Variants in PLAC1 observed in about 807,000 individuals in gnomAD.
The protein encoded by PLAC1 is placenta-specific protein 1.
For missense variants in PLAC1, 136 were observed against 163.2 expected, an observed-to-expected ratio of 0.83 and a Z score of 0.91; for synonymous variants, 68 against 62.1, an observed-to-expected ratio of 1.09 and a Z score of -0.44.
chrX:134,703,564 T>C (rs2078590605), intron 2 of PLAC1, among the ~76,000 whole-genome samples: 1 of 110,354 alleles, frequency 9.1e-6, no homozygotes, highest in Non-Finnish European at 1.9e-5. Context: ...AGAAGAAAAC[T>C]GAACCTACAA....
intron 1 of PLAC1, among the ~76,000 whole-genome samples, chrX:134,622,359 C>T (rs980871998): frequency 9.0e-6 from 1 of 111,278 alleles, no homozygotes; most frequent in Non-Finnish European, 1.9e-5. Flanking sequence ...CCTCCTCCCC[C>T]CTCCACAGGA....
At chrX:134,612,542 G>C (rs963531206) in intron 1 of PLAC1, among the ~76,000 whole-genome samples, 1 of 111,265 alleles carries the variant, frequency 9.0e-6, no homozygotes, top group African/African-American at 3.3e-5. Context: ...AACATGTCAG[G>C]GTCTTAGTTT....
chrX:134,602,218 C>T (rs758416345), intron 1 of PLAC1, 96 bp from the exon 2 acceptor site: 6 of 112,220 alleles, frequency 5.3e-5, no homozygotes, highest in Admixed American at 1.9e-4. Context: ...ACGGTCAGAA[C>T]AGAAAGTACA....
intron 2 of PLAC1, among the ~76,000 whole-genome samples, chrX:134,727,083 T>C (rs998564772): frequency 1.8e-5 from 2 of 110,961 alleles, no homozygotes; most frequent in African/African-American, 6.6e-5. Flanking sequence ...GGCTTCCTCC[T>C]TTGCTCGGAG....
Position 134,566,670 on chromosome X carries a change from T to A in PLAC1, c.13A>T (p.Lys5Ter). 8.4e-7 allele frequency: 1 copy of A among 1,189,049 alleles called. No individual in the cohort carries two copies. The highest frequency in any genetic ancestry group is 1.1e-6 in the Non-Finnish European group (1 of 880,271). The change falls in exon 3 of 3, where the codon AAG (lysine) becomes TAG (stop). Residue 5 changes from lysine to a stop codon, truncating the protein, a stop_gained. Transcript: ENST00000359237. LOFTEE classifies it low-confidence loss of function (END_TRUNC). MKVF[K>*]FIGLMILLTS... ...AGGAGGATCATCAGTCCTATGAACT[T>A]AAAAACTTTCATCCCTGCAGCCAAT...
chrX:134,610,927 A>G (rs1251682228), intron 1 of PLAC1, among the ~76,000 whole-genome samples: 1 of 111,509 alleles, frequency 9.0e-6, no homozygotes, highest in Non-Finnish European at 1.9e-5. Context: ...TCCAAGGCTC[A>G]AGTGTTCCTC....
At chrX:134,670,142 G>T (rs1449794813) in intron 2 of PLAC1, among the ~76,000 whole-genome samples, 1 of 108,005 alleles carries the variant, frequency 9.3e-6, no homozygotes, top group Non-Finnish European at 1.9e-5. Flanking sequence ...CCAACAATCT[G>T]GCTCTTGCTA....
chrX:134,582,444 G>A (rs2077979351), intron 2 of PLAC1, among the ~76,000 whole-genome samples: 1 of 111,976 alleles, frequency 8.9e-6, no homozygotes, highest in African/African-American at 3.2e-5. Flanking sequence ...ACCTCGGGGA[G>A]TATTTTTTTA....
intron 2 of PLAC1, among the ~76,000 whole-genome samples, chrX:134,717,026 A>T (rs758152475): frequency 2.7e-5 from 3 of 111,713 alleles, no homozygotes; most frequent in East Asian, 5.6e-4. Context: ...TTGTATACCA[A>T]CTCCAAGCAA....
chrX:134,578,344 C>G (rs2077952310), intron 2 of PLAC1, among the ~76,000 whole-genome samples: 1 of 98,156 alleles, frequency 1.0e-5, no homozygotes, highest in East Asian at 3.1e-4. Flanking sequence ...ACCCGGGAGG[C>G]AGAACTTGCA....
At chrX:134,666,268 TCTGTC>T (rs1388751818) in intron 2 of PLAC1, among the ~76,000 whole-genome samples, 1 of 111,167 alleles carries the variant, frequency 9.0e-6, no homozygotes, top group East Asian at 2.8e-4. Flanking sequence ...ATGTTCCCTT[TCTGTC>T]CTGGGCAGTC....
intron 2 of PLAC1, among the ~76,000 whole-genome samples, chrX:134,731,954 G>A (rs968674934): frequency 2.7e-5 from 3 of 111,643 alleles, no homozygotes; most frequent in Middle Eastern, 4.2e-3. Flanking sequence ...CCAGGAGGTC[G>A]AGGCTGCAGT....
intron 2 of PLAC1, among the ~76,000 whole-genome samples, chrX:134,576,803 C>G (rs1405144981): frequency 9.0e-6 from 1 of 111,082 alleles, no homozygotes; most frequent in Non-Finnish European, 1.9e-5. Flanking sequence ...GATGTGCCTG[C>G]AACCCCAGGA....
intron 2 of PLAC1, among the ~76,000 whole-genome samples, chrX:134,722,979 C>CAA (rs745727243): frequency 7.3e-5 from 6 of 82,521 alleles, no homozygotes; most frequent in East Asian, 7.6e-4. Flanking sequence ...GACTTTGTCT[C>CAA]AAAAAAAAAA....
chrX:134,605,407 T>C (rs906178059), intron 1 of PLAC1, among the ~76,000 whole-genome samples: 3 of 112,225 alleles, frequency 2.7e-5, no homozygotes, highest in African/African-American at 9.7e-5. Context: ...TGCTATGAGA[T>C]GACTAGAGAC....
chrX:134,733,957 G>A (rs1486374648), intron 1 of PLAC1, among the ~76,000 whole-genome samples: 1 of 111,823 alleles, frequency 8.9e-6, no homozygotes, highest in Admixed American at 9.5e-5. Flanking sequence ...TCTGTTTAGT[G>A]GCCTCACCTC....
intron 2 of PLAC1, among the ~76,000 whole-genome samples, chrX:134,726,368 C>G (rs775975865): frequency 8.9e-6 from 1 of 111,800 alleles, no homozygotes; most frequent in African/African-American, 3.2e-5. Context: ...AGTCACACTT[C>G]TGCTCTCACA....
intron 1 of PLAC1, among the ~76,000 whole-genome samples, chrX:134,643,861 C>A (rs2078318341): frequency 9.1e-6 from 1 of 109,737 alleles, no homozygotes; most frequent in Non-Finnish European, 1.9e-5. Flanking sequence ...GCTTTGAACA[C>A]TTGTTGGCTG....
chrX:134,722,791 T>A (rs2078662062), intron 2 of PLAC1, among the ~76,000 whole-genome samples: 1 of 111,774 alleles, frequency 8.9e-6, no homozygotes, highest in Non-Finnish European at 1.9e-5. Flanking sequence ...TATAAAACTT[T>A]TAAATTTTCT....
Sources: gnomAD v4.1 joint callset for allele counts (sites outside exome capture counted in the v4.1 genomes callset) on GRCh38, gnomAD v4.1.1 for gene constraint, MANE v1.5 for transcripts, NCBI Gene and HGNC (gene_info 2026-07-23, HGNC 2026-07-21) for gene names.